Variants in SCML2 observed in about 807,000 individuals in gnomAD.
SCML2 encodes sex comb on midleg-like protein 2.
Under a neutral mutation model 48.4 loss-of-function variants are expected in SCML2, and 6 were observed. That is an observed-to-expected ratio of 0.12 (90% CI 0.07 to 0.24). SCML2 has a LOEUF of 0.24. Ranked by LOEUF, SCML2 falls within the 10% of genes least tolerant of loss-of-function variation. SCML2 has a pLI of 1.00. For missense variants in SCML2, 377 were observed against 528.2 expected (o/e 0.71, Z 2.81); for synonymous variants, 181 against 189.5 (o/e 0.95, Z 0.37).
chrX:18,338,443 T>TAA (rs776595733), intron 1 of SCML2, among the ~76,000 whole-genome samples: 1 of 68,040 alleles, frequency 1.5e-5, no homozygotes, highest in African/African-American at 5.6e-5. Flanking sequence ...GACTCTGTCT[T>TAA]AAAAAAAAAA....
chrX:18,342,203 G>A (rs916129679), intron 1 of SCML2, among the ~76,000 whole-genome samples: 3 of 111,579 alleles, frequency 2.7e-5, no homozygotes, highest in African/African-American at 9.8e-5. Flanking sequence ...TTGATACATG[G>A]GAGAAAAATT....
chrX:18,335,698 G>A (rs1159127275), intron 1 of SCML2, among the ~76,000 whole-genome samples: 1 of 110,953 alleles, frequency 9.0e-6, no homozygotes, highest in Non-Finnish European at 1.9e-5. Flanking sequence ...AATCCTGGAA[G>A]GAGTGAAAAT....
intron 13 of SCML2, among the ~76,000 whole-genome samples, chrX:18,244,187 G>A (rs187760664): frequency 5.4e-5 from 6 of 111,841 alleles, no homozygotes; most frequent in African/African-American, 1.9e-4. Flanking sequence ...CTGCTAGGCT[G>A]TATCAACCCA....
intron 7 of SCML2, among the ~76,000 whole-genome samples, chrX:18,290,933 T>C (rs1235509966): frequency 9.0e-6 from 1 of 111,447 alleles, no homozygotes; most frequent in African/African-American, 3.3e-5. Flanking sequence ...TATAAGTATA[T>C]ATGCACTGGA....
chrX:18,330,090 AG>A (rs1240238967), intron 3 of SCML2, among the ~76,000 whole-genome samples: 1 of 111,691 alleles, frequency 9.0e-6, no homozygotes, highest in East Asian at 2.8e-4. Flanking sequence ...AGAAAGAAGA[AG>A]AAAAAACGTC....
At chrX:18,343,102 G>A (rs1161191278) in intron 1 of SCML2, among the ~76,000 whole-genome samples, 2 of 109,647 alleles carry the variant, frequency 1.8e-5, no homozygotes, top group Non-Finnish European at 3.8e-5. Flanking sequence ...TTTTTTGTTT[G>A]GAGAGTTTTT....
chrX:18,337,275 C>T (rs1326696894), intron 1 of SCML2, among the ~76,000 whole-genome samples: 23 of 82,982 alleles, frequency 2.8e-4, no homozygotes, highest in East Asian at 2.6e-3. Flanking sequence ...CACTGCACTC[C>T]GGCCTGGGCG....
At chrX:18,243,482 T>C (rs968061461) in intron 13 of SCML2, among the ~76,000 whole-genome samples, 2 of 112,201 alleles carry the variant, frequency 1.8e-5, no homozygotes, top group Non-Finnish European at 3.8e-5. Flanking sequence ...CTCTGATGTA[T>C]CCAATAAGAA....
chrX:18,343,938 A>G (rs1281356115), intron 1 of SCML2, among the ~76,000 whole-genome samples: 2 of 106,306 alleles, frequency 1.9e-5, no homozygotes, highest in East Asian at 5.7e-4. Flanking sequence ...AAAAAAAAAA[A>G]AAAAGAAAGA....
chrX:18,261,299 AT>A lies in SCML2; in HGVS notation c.949-1009del, dbSNP rs779319648. Among the ~76,000 whole-genome samples the A allele has an allele frequency of 1.7e-4, 19 of 108,918 alleles. 1 individual carries two copies. The highest frequency in any genetic ancestry group is 2.8e-4 in the Non-Finnish European group (15 of 52,948). 94.6% of individuals were successfully genotyped at this position (108,918 alleles called of 115,157 possible). ...AGGCATGCGCCACTGCCTGGACACA[AT>A]CATGTTATTTTTCAGTACTGAATTA... On this transcript the variant is annotated intron_variant, in intron 8 of 14. Coordinates refer to ENST00000251900, the MANE Select transcript of SCML2 (RefSeq NM_006089.3).
chrX:18,259,831 TTGA>T (rs1241661690), intron 9 of SCML2, among the ~76,000 whole-genome samples: 3 of 111,629 alleles, frequency 2.7e-5, no homozygotes, highest in African/African-American at 9.8e-5. Flanking sequence ...TGAGGCAGCT[TTGA>T]AAATACATAC....
At chrX:18,258,839 A>C (rs1257525298) in intron 9 of SCML2, among the ~76,000 whole-genome samples, 1 of 111,826 alleles carries the variant, frequency 8.9e-6, no homozygotes. Flanking sequence ...AGAAAATTTT[A>C]AAATAAACTC....
Position 18,320,347 on chromosome X carries a change from G to C in SCML2, c.471C>G (p.Ala157=). The C allele has an allele frequency of 8.8e-7, 1 of 1,136,230 alleles. No homozygotes were observed. Among genetic ancestry groups the C allele is most frequent in the Non-Finnish European group, 1.2e-6 (1 of 842,593 alleles). The allele number at this position is 1,136,230 out of a possible 1,213,427, so 93.6% of individuals were successfully genotyped here. A position where few individuals can be genotyped will look rare whatever the true frequency, so the allele number is the denominator to read the frequency against. ...KTLNGSEMAS[A]TLFKKEPPKP... is the part of the protein sequence containing the mutation. Reference sequence around the variant, plus strand: ...TCTTTCTTACCTTCTTAAATAATGTGGCAGATGCCATTTCAGACCCATTTA... The same window carrying C: ...TCTTTCTTACCTTCTTAAATAATGTCGCAGATGCCATTTCAGACCCATTTA... The change falls in exon 6 of 15, where the codon GCC becomes GCG. Residue 157 remains alanine, a synonymous_variant. Transcript: ENST00000251900.
intron 1 of SCML2, among the ~76,000 whole-genome samples, chrX:18,348,055 TGAA>T (rs1243769482): frequency 2.7e-5 from 3 of 112,063 alleles, no homozygotes; most frequent in Non-Finnish European, 5.6e-5. Context: ...ATGTATTTAG[TGAA>T]GAAGTATGTC....
chrX:18,340,118 C>T (rs1466586549), intron 1 of SCML2, among the ~76,000 whole-genome samples: 1 of 112,067 alleles, frequency 8.9e-6, no homozygotes. Flanking sequence ...ATAATAAATG[C>T]CAGTTCATAC....
At chrX:18,301,826 G>T (rs1928602491) in intron 7 of SCML2, among the ~76,000 whole-genome samples, 1 of 111,635 alleles carries the variant, frequency 9.0e-6, no homozygotes, top group Non-Finnish European at 1.9e-5. Flanking sequence ...ATGGTTAAAA[G>T]AAGTTCTCTA....
intron 6 of SCML2, among the ~76,000 whole-genome samples, chrX:18,306,156 G>C (rs1438973769): frequency 2.7e-5 from 3 of 111,757 alleles, no homozygotes; most frequent in African/African-American, 9.8e-5. Flanking sequence ...CACACCACCA[G>C]AGCTAATAAT....
intron 3 of SCML2, among the ~76,000 whole-genome samples, chrX:18,329,269 T>C (rs761989731): frequency 1.6e-4 from 18 of 111,883 alleles, no homozygotes; most frequent in African/African-American, 5.2e-4. Flanking sequence ...CTCAGAGGAT[T>C]TGGGGGTCCC....
intron 7 of SCML2, among the ~76,000 whole-genome samples, chrX:18,299,251 C>T (rs1017297530): frequency 2.7e-5 from 3 of 111,245 alleles, no homozygotes; most frequent in Admixed American, 9.5e-5. Flanking sequence ...AGGTGGCTCA[C>T]GCCTGTATTC....
Sources: allele counts gnomAD v4.1 joint callset (sites outside exome capture counted in the v4.1 genomes callset), GRCh38; gene constraint gnomAD v4.1.1; transcripts MANE v1.5; gene names NCBI Gene and HGNC (gene_info 2026-07-23, HGNC 2026-07-21).